MCC: variants seen among roughly 807,000 people sequenced by gnomAD.
MCC encodes MCC regulator of Wnt signaling pathway.
A neutral mutation model predicts 116.2 loss-of-function variants in MCC; 90 were observed. That is an observed-to-expected ratio of 0.77 (90% CI 0.65 to 0.92). The LOEUF is 0.92. Ranked by LOEUF, MCC falls within the 40% of genes least tolerant of loss-of-function variation. MCC has a pLI of 0.00. For synonymous variants in MCC, 578 were observed against 510.5 expected (o/e 1.13, Z -1.78); for missense variants, 1,516 against 1,312.2 (o/e 1.16, Z -2.40).
At chr5:113,430,141 C>T (rs1770589293) in intron 1 of MCC, among the ~76,000 whole-genome samples, 1 of 152,216 alleles carries the variant, frequency 6.6e-6, no homozygotes, top group Non-Finnish European at 1.5e-5. Context: ...GTATGTGTGA[C>T]TCTGTTAATA....
intron 3 of MCC, among the ~76,000 whole-genome samples, chr5:113,311,673 TA>T (rs1007214246): frequency 2.0e-5 from 3 of 150,974 alleles, no homozygotes; most frequent in Non-Finnish European, 3.0e-5. Flanking sequence ...GCTTAATCAT[TA>T]AAAAAAAATA....
chr5:113,252,683 C>T (rs1764847129), intron 3 of MCC, among the ~76,000 whole-genome samples: 1 of 152,172 alleles, frequency 6.6e-6, no homozygotes, highest in Non-Finnish European at 1.5e-5. Flanking sequence ...CTCCACCACC[C>T]AGGTCCATGG....
intron 3 of MCC, chr5:113,294,518 A>T: frequency 2.0e-6 from 3 of 1,497,364 alleles, no homozygotes; most frequent in African/African-American, 2.8e-5. Context: ...CACCCAGGAC[A>T]GTTGCGAAGC....
Position 113,327,559 on chromosome 5 carries a change from AAAATATAT to A in MCC, c.627+12952_627+12959del, listed in dbSNP as rs1427358620. On this transcript the variant is annotated intron_variant, in intron 3 of 18. Coordinates refer to ENST00000408903, the MANE Select transcript of MCC (RefSeq NM_001085377.2). ...AGACTCAGTCTCAAAAAAAAAAAAA[AAAATATAT>A]ATATATATATATATATATAAAAATC... Among the ~76,000 whole-genome samples the A allele has an allele frequency of 9.9e-5, 8 of 81,034 alleles. No individual in the cohort carries two copies. In the South Asian group the frequency reaches 1.7e-3, roughly 17 times the overall value. 53.2% of individuals were successfully genotyped at this position (81,034 alleles called of 152,430 possible). A position where few individuals can be genotyped will look rare whatever the true frequency, so the allele number is the denominator to read the frequency against.
At chr5:113,470,019 T>A (rs1304984031) in intron 1 of MCC, among the ~76,000 whole-genome samples, 1 of 152,210 alleles carries the variant, frequency 6.6e-6, no homozygotes, top group Non-Finnish European at 1.5e-5. Context: ...CCTTTTTTTG[T>A]TTTCCATTTG....
rs1223645515 is a variant in MCC at position 113,143,284 on chromosome 5, G to C, written c.818C>G (p.Thr273Arg). The stretch of plus-strand genomic sequence containing the variant: ...CTCCGCAATGACGCTGTGGAGCTCT[G>C]TGATGCGTTCCTCATAGCGAAGTGT... ...RTTLRYEERITELHSVIAELN... is the reference protein window; with the variant it reads ...RTTLRYEERIRELHSVIAELN... The change falls in exon 5 of 19, where the codon ACA becomes AGA. Residue 273 changes from threonine (T) to arginine (R), a missense_variant. Physicochemically the swap from Thr to Arg is moderately conservative, Grantham distance 71. Coordinates refer to ENST00000408903, the MANE Select transcript of MCC (RefSeq NM_001085377.2). The C allele has an allele frequency of 6.2e-7, 1 of 1,613,796 alleles. No homozygotes were observed. Among genetic ancestry groups the C allele is most frequent in the East Asian group, 2.2e-5 (1 of 44,852 alleles).
intron 3 of MCC, among the ~76,000 whole-genome samples, chr5:113,288,896 T>C (rs769235553): frequency 1.3e-5 from 2 of 152,160 alleles, no homozygotes; most frequent in Non-Finnish European, 2.9e-5. Flanking sequence ...AGAAGGCACC[T>C]CAGAGTTTTA....
At chr5:113,042,938 T>A (rs1181782925) in intron 17 of MCC, among the ~76,000 whole-genome samples, 5 of 152,190 alleles carry the variant, frequency 3.3e-5, no homozygotes, top group Admixed American at 1.3e-4. Context: ...GTGGTTCACA[T>A]TACATTTCTG....
intron 2 of MCC, among the ~76,000 whole-genome samples, chr5:113,356,288 C>T (rs553795127): frequency 8.6e-5 from 13 of 150,982 alleles, no homozygotes; most frequent in African/African-American, 1.9e-4. Context: ...CCTCGTGCCT[C>T]GACCTCCCAA....
At chr5:113,264,978 T>C (rs1384615432) in intron 3 of MCC, among the ~76,000 whole-genome samples, 1 of 152,062 alleles carries the variant, frequency 6.6e-6, no homozygotes, top group East Asian at 1.9e-4. Flanking sequence ...GAGGCGGAAG[T>C]TGCAGTGAGC....
intron 3 of MCC, among the ~76,000 whole-genome samples, chr5:113,245,330 G>A (rs1764533154): frequency 6.7e-6 from 1 of 148,618 alleles, no homozygotes; most frequent in Admixed American, 6.7e-5. Flanking sequence ...TTCCCACTAA[G>A]GTTCAACCCA....
chr5:113,294,192 A>T, intron 3 of MCC: 10 of 1,045,398 alleles, frequency 9.6e-6, no homozygotes, highest in Non-Finnish European at 1.3e-5. Flanking sequence ...AAAATCTACT[A>T]ATCTTCAATT....
At position 113,276,809 on chromosome 5, in the gene MCC, T is replaced by A. The variant is rs190250162; in HGVS notation, c.627+63710A>T. Among the ~76,000 whole-genome samples, 235 of 150,462 alleles carry A rather than the reference T, an allele frequency of 1.6e-3. 1 individual carries two copies. Among genetic ancestry groups the A allele is most frequent in the African/African-American group, 4.2e-3 (172 of 41,140 alleles). ...ACCCAACTAATTTTTCTTCTTATTT[T>A]TTTTTTTTTTTTGTAGAGATGGTCT... On this transcript the variant is annotated intron_variant, in intron 3 of 18. Transcript: ENST00000408903.
At chr5:113,128,096 T>A (rs1375438283) in intron 5 of MCC, among the ~76,000 whole-genome samples, 1 of 152,278 alleles carries the variant, frequency 6.6e-6, no homozygotes, top group Non-Finnish European at 1.5e-5. Context: ...AATGGAAGTA[T>A]AATTCTTACT....
intron 3 of MCC, among the ~76,000 whole-genome samples, chr5:113,270,760 C>T (rs1765583054): frequency 6.6e-6 from 1 of 151,094 alleles, no homozygotes; most frequent in African/African-American, 2.4e-5. Flanking sequence ...TGAGCTATAT[C>T]CCTAACTTCC....
intron 6 of MCC, among the ~76,000 whole-genome samples, chr5:113,115,629 A>G (rs925357288): frequency 3.3e-5 from 5 of 151,934 alleles, no homozygotes; most frequent in African/African-American, 7.3e-5. Flanking sequence ...GCACCCCCAC[A>G]TAACTCCTAG....
chr5:113,052,259 G>C (rs1398223387), intron 15 of MCC, among the ~76,000 whole-genome samples: 1 of 152,152 alleles, frequency 6.6e-6, no homozygotes, highest in Non-Finnish European at 1.5e-5. Flanking sequence ...AATGATGGAA[G>C]GGTGGCCTCA....
At chr5:113,457,316 T>A (rs542245913) in intron 1 of MCC, among the ~76,000 whole-genome samples, 24 of 152,210 alleles carry the variant, frequency 1.6e-4, no homozygotes, top group African/African-American at 5.3e-4. Context: ...GTGTACTGGG[T>A]CCCCCAGCAG....
In MCC at chr5:113,075,506, G is replaced by A. The variant is rs183719955; in HGVS notation, c.1785-4272C>T. On this transcript the variant is annotated intron_variant, in intron 11 of 18. Transcript: ENST00000408903. ...GTGAAGCCAGCTGGGCTCTTGAGTC[G>A]GGTGGGGTCTTGGAGAACTTTTAAG... Among the ~76,000 whole-genome samples the A allele has an allele frequency of 4.5e-4, 68 of 152,324 alleles. 2 individuals carry two copies. The highest frequency in any genetic ancestry group is 1.3e-3 in the African/African-American group (53 of 41,572).
Sources: allele counts gnomAD v4.1 joint callset (sites outside exome capture counted in the v4.1 genomes callset), GRCh38; gene constraint gnomAD v4.1.1; transcripts MANE v1.5; gene names NCBI Gene and HGNC (gene_info 2026-07-23, HGNC 2026-07-21).